ANK3: variants seen among roughly 807,000 people sequenced by gnomAD.
ANK3 encodes ankyrin-3.
A neutral mutation model predicts 370.9 loss-of-function variants in ANK3; 57 were observed. That is an observed-to-expected ratio of 0.15 (90% CI 0.12 to 0.19). The LOEUF is 0.19. Among genes scored for constraint, ANK3 ranks in the 10% least tolerant of loss-of-function variants. The pLI, the probability that ANK3 is intolerant of heterozygous loss-of-function variation, is 1.00. For synonymous variants in ANK3, 1,929 were observed against 1,946.3 expected (o/e 0.99, Z 0.23); for missense variants, 4,439 against 5,302.1 (o/e 0.84, Z 5.06).
intron 7 of ANK3, among the ~76,000 whole-genome samples, chr10:60,258,668 G>A (rs1026894819): frequency 6.6e-6 from 1 of 151,930 alleles, no homozygotes; most frequent in African/African-American, 2.4e-5. Context: ...TTCCAGAAGT[G>A]TTGTCATTCT....
At position 60,733,194 on chromosome 10, in the gene ANK3, C is replaced by T. The variant is rs1165184558; in HGVS notation, c.57+69G>A. The stretch of plus-strand genomic sequence containing the variant: ...CTGGGGCCCCCCGGCCCGGGCCTCC[C>T]GCCCGCCCGGGTCCCCGCATGCCCC... On this transcript the variant is annotated intron_variant, in intron 1 of 43. Coordinates refer to the ANK3 transcript ENST00000373827. The T allele has an allele frequency of 3.3e-6, 4 of 1,218,888 alleles. No homozygotes were observed. The Admixed American group carries it at 1.7e-4, about 52-fold the overall frequency. The allele number at this position is 1,218,888 out of a possible 1,614,324, so 75.5% of individuals were successfully genotyped here.
At chr10:60,180,822 G>C (rs545696947) in intron 18 of ANK3, among the ~76,000 whole-genome samples, 5 of 150,864 alleles carry the variant, frequency 3.3e-5, no homozygotes, top group African/African-American at 1.2e-4. Flanking sequence ...TTTTCTTTTT[G>C]AAATGAGAGC....
At chr10:60,329,560 G>C (rs551691359) in intron 1 of ANK3, among the ~76,000 whole-genome samples, 1 of 152,086 alleles carries the variant, frequency 6.6e-6, no homozygotes, top group East Asian at 1.9e-4. Context: ...AAAATACCTA[G>C]GAATACAACT....
chr10:60,517,905 C>A (rs1367900359), intron 2 of ANK3, among the ~76,000 whole-genome samples: 1 of 152,030 alleles, frequency 6.6e-6, no homozygotes, highest in Non-Finnish European at 1.5e-5. Flanking sequence ...GATAACCACC[C>A]CACTGGCTAG....
chr10:60,265,423 AC>A (rs1452320278), intron 5 of ANK3, among the ~76,000 whole-genome samples: 2 of 152,186 alleles, frequency 1.3e-5, no homozygotes, highest in African/African-American at 4.8e-5. Flanking sequence ...TAAAGGGGAC[AC>A]AGCTACAGAT....
At chr10:60,689,569 T>C (rs1373478911) in intron 1 of ANK3, among the ~76,000 whole-genome samples, 2 of 151,908 alleles carry the variant, frequency 1.3e-5, no homozygotes, top group Non-Finnish European at 2.9e-5. Flanking sequence ...CTGGCTAACA[T>C]GGCAAAACCC....
intron 1 of ANK3, among the ~76,000 whole-genome samples, chr10:60,334,389 A>T (rs1158318692): frequency 2.6e-5 from 4 of 152,148 alleles, no homozygotes; most frequent in Non-Finnish European, 5.9e-5. Flanking sequence ...CGCACCTCAT[A>T]AAATATTTAC....
chr10:60,709,836 A>G (rs2079677273), intron 1 of ANK3, among the ~76,000 whole-genome samples: 3 of 151,936 alleles, frequency 2.0e-5, no homozygotes, highest in African/African-American at 7.2e-5. Flanking sequence ...TCAAAAAAAA[A>G]AAAAAGAAAA....
intron 1 of ANK3, among the ~76,000 whole-genome samples, chr10:60,666,595 T>C (rs2078998960): frequency 6.6e-6 from 1 of 152,198 alleles, no homozygotes; most frequent in Non-Finnish European, 1.5e-5. Flanking sequence ...TTGACCACAG[T>C]TCTTAAAAAT....
At chr10:60,160,203 G>A (rs7081534) in intron 23 of ANK3, among the ~76,000 whole-genome samples, 2,122 of 151,982 alleles carry the variant, frequency 0.014, 50 homozygotes, top group African/African-American at 0.049. Flanking sequence ...AATAAGATCA[G>A]GGATGAAAAC....
At chr10:60,355,279 G>A (rs1383699887) in intron 1 of ANK3, among the ~76,000 whole-genome samples, 2 of 151,892 alleles carry the variant, frequency 1.3e-5, no homozygotes, top group Non-Finnish European at 2.9e-5. Flanking sequence ...AAGTTTAATT[G>A]AAACAAAAAC....
intron 1 of ANK3, among the ~76,000 whole-genome samples, chr10:60,327,703 A>G (rs775053784): frequency 8.5e-5 from 13 of 152,142 alleles, no homozygotes; most frequent in Non-Finnish European, 1.3e-4. Flanking sequence ...TCTTTTTAGC[A>G]TCATAGGATA....
chr10:60,322,505 A>T (rs886209844), intron 1 of ANK3, among the ~76,000 whole-genome samples: 1 of 152,120 alleles, frequency 6.6e-6, no homozygotes, highest in African/African-American at 2.4e-5. Flanking sequence ...CAAAAAAAAA[A>T]AGACATTTAG....
At chr10:60,459,640 G>A (rs2064834869) in intron 2 of ANK3, among the ~76,000 whole-genome samples, 1 of 152,014 alleles carries the variant, frequency 6.6e-6, no homozygotes, top group African/African-American at 2.4e-5. Context: ...GATGCCTGCT[G>A]GATTTTAAAA....
intron 1 of ANK3, among the ~76,000 whole-genome samples, chr10:60,290,916 T>C (rs2041221384): frequency 1.3e-5 from 2 of 152,148 alleles, no homozygotes; most frequent in Admixed American, 6.5e-5. Flanking sequence ...TCAAGAGATT[T>C]ACCTTGCCAT....
chr10:60,127,451 T>C (rs1211404107), intron 25 of ANK3, among the ~76,000 whole-genome samples: 2 of 152,196 alleles, frequency 1.3e-5, no homozygotes, highest in African/African-American at 4.8e-5. Context: ...AAGTGACTTA[T>C]GCTTTTCTCC....
chr10:60,208,861 A>G (rs369667423), intron 9 of ANK3, among the ~76,000 whole-genome samples: 3 of 152,206 alleles, frequency 2.0e-5, no homozygotes, highest in Admixed American at 1.3e-4. Flanking sequence ...TTTTCTATCA[A>G]TCTGGTGCCC....
chr10:60,071,887 G>A lies in ANK3; in HGVS notation c.8994C>T (p.Ser2998=), dbSNP rs764063230. Residue 2998 remains serine, a synonymous_variant, in exon 37 of 44, where the codon AGC becomes AGT. Coordinates refer to ENST00000280772, the MANE Select transcript of ANK3 (RefSeq NM_020987.5). ...HELSQKLSQS[S]MSKETVETQH... ...GTGTCTCAACTGTCTCTTTACTCAT[G>A]CTTGACTGGGACAATTTTTGTGATA... The A allele has an allele frequency of 1.2e-5, 19 of 1,613,926 alleles. No individual in the cohort carries two copies. Among genetic ancestry groups the A allele is most frequent in the Non-Finnish European group, 1.6e-5 (19 of 1,179,998 alleles).
intron 2 of ANK3, among the ~76,000 whole-genome samples, chr10:60,542,211 A>G (rs2076865855): frequency 6.6e-6 from 1 of 151,798 alleles, no homozygotes; most frequent in South Asian, 2.1e-4. Flanking sequence ...AAAAATATAA[A>G]AAAATTATAT....
Sources: allele counts gnomAD v4.1 joint callset (sites outside exome capture counted in the v4.1 genomes callset), GRCh38; gene constraint gnomAD v4.1.1; transcripts MANE v1.5; gene names NCBI Gene and HGNC (gene_info 2026-07-23, HGNC 2026-07-21).